Variants in TTC7B observed in about 807,000 individuals in gnomAD.
TTC7B encodes tetratricopeptide repeat protein 7B.
A neutral mutation model predicts 106.8 loss-of-function variants in TTC7B; 28 were observed. The observed-to-expected ratio is 0.26, with a 90% CI of 0.19 to 0.36. TTC7B has a LOEUF of 0.36. Ranked by LOEUF, TTC7B falls within the 10% of genes least tolerant of loss-of-function variation. TTC7B has a pLI of 1.00. For missense variants in TTC7B, 862 were observed against 1,076.4 expected (o/e 0.80, Z 2.79); for synonymous variants, 405 against 430.6 (o/e 0.94, Z 0.74).
In TTC7B at chr14:90,780,893, T is replaced by C; in HGVS notation, c.290A>G (p.Gln97Arg). 6.2e-7 allele frequency: 1 copy of C among 1,614,164 alleles called. No homozygotes were observed. Among genetic ancestry groups the C allele is most frequent in the Non-Finnish European group, 8.5e-7 (1 of 1,179,982 alleles). Residue 97 changes from glutamine (Q) to arginine (R), a missense_variant, in exon 3 of 20, where the codon CAA becomes CGA. Gln to Arg is a conservative substitution (Grantham distance 43). Transcript: ENST00000328459. The part of the protein sequence containing the change: ...DRGNLKSEFL[Q>R]ESNLIMAKLN... ...CTTGGCCATGATCAGATTGGATTCT[T>C]GTAGGAATTCTGACTAGAAGCAAAA...
At position 90,543,700 on chromosome 14, in the gene TTC7B, C is replaced by A. The variant is rs1889697989; in HGVS notation, c.2311-2111G>T. Among the ~76,000 whole-genome samples, 3 of 152,202 alleles carry A rather than the reference C, an allele frequency of 2.0e-5. No individual in the cohort carries two copies. In the South Asian group the frequency reaches 6.2e-4, roughly 32 times the overall value. ...TCTTGGAGAGTGTGGAGAAGCCTGA[C>A]ATCTTTACAATGTCTAGTCTTCCCA... On this transcript the variant is annotated intron_variant, in intron 19 of 19. Transcript: ENST00000328459.
intron 6 of TTC7B, among the ~76,000 whole-genome samples, chr14:90,690,142 T>C (rs1887413808): frequency 6.6e-6 from 1 of 152,170 alleles, no homozygotes; most frequent in Non-Finnish European, 1.5e-5. Context: ...CCTGAAAAAA[T>C]TATCCTCACT....
intron 15 of TTC7B, among the ~76,000 whole-genome samples, chr14:90,621,891 C>T (rs1267657658): frequency 6.6e-6 from 1 of 152,084 alleles, no homozygotes; most frequent in Non-Finnish European, 1.5e-5. Flanking sequence ...AGCACAGAAA[C>T]GAAGAGTACA....
chr14:90,780,274 G>C (rs1026030461), intron 3 of TTC7B, among the ~76,000 whole-genome samples: 3 of 151,916 alleles, frequency 2.0e-5, no homozygotes, highest in Non-Finnish European at 4.4e-5. Context: ...CCAGCTACTC[G>C]GGAGGTTGAG....
At chr14:90,803,500 C>T (rs761130229) in intron 1 of TTC7B, among the ~76,000 whole-genome samples, 117 of 152,324 alleles carry the variant, frequency 7.7e-4, no homozygotes, top group Middle Eastern at 3.4e-3. Flanking sequence ...CACTGCAGGG[C>T]TCCTGCTGGT....
intron 9 of TTC7B, among the ~76,000 whole-genome samples, chr14:90,659,092 A>ATGG (rs1366544808): frequency 3.3e-5 from 5 of 152,156 alleles, no homozygotes; most frequent in Non-Finnish European, 5.9e-5. Flanking sequence ...ATCAGCAAGG[A>ATGG]TGGGTCACCT....
In TTC7B at chr14:90,571,631, A is replaced by C. The variant is rs34619449; in HGVS notation, c.2310+6475T>G. On this transcript the variant is annotated intron_variant, in intron 19 of 19. Coordinates refer to ENST00000328459, the MANE Select transcript of TTC7B (RefSeq NM_001010854.2). ...CTATCATGAAGTTTTGTTTCCTGCC[A>C]GTCATTCTTTCTATGTATGGAAAGA... Among the ~76,000 whole-genome samples, 774 of 152,376 alleles carry C rather than the reference A, an allele frequency of 5.1e-3. 5 individuals carry two copies. Among genetic ancestry groups the C allele is most frequent in the Middle Eastern group, 0.014 (4 of 294 alleles).
At chr14:90,665,706 C>T (rs931629693) in intron 9 of TTC7B, among the ~76,000 whole-genome samples, 1 of 152,208 alleles carries the variant, frequency 6.6e-6, no homozygotes, top group Non-Finnish European at 1.5e-5. Flanking sequence ...TATTAAAAGA[C>T]AACAAATAGC....
intron 9 of TTC7B, among the ~76,000 whole-genome samples, chr14:90,674,546 C>T (rs1318066470): frequency 6.6e-6 from 1 of 152,224 alleles, no homozygotes; most frequent in Non-Finnish European, 1.5e-5. Context: ...AGCTGCTTGT[C>T]ACACCTGGCA....
chr14:90,547,387 T>G (rs1487284638), intron 19 of TTC7B, among the ~76,000 whole-genome samples: 10 of 152,262 alleles, frequency 6.6e-5, no homozygotes, highest in African/African-American at 2.4e-4. Context: ...AGGGCGCCTG[T>G]GCCAGAGCCC....
chr14:90,811,892 GA>G (rs1179057788), intron 1 of TTC7B, among the ~76,000 whole-genome samples: 2 of 152,220 alleles, frequency 1.3e-5, no homozygotes, highest in Admixed American at 6.5e-5. Context: ...CGTCCGTCAG[GA>G]CAGTCGCAGA....
chr14:90,705,102 T>C (rs932578689), intron 5 of TTC7B, among the ~76,000 whole-genome samples: 4 of 152,170 alleles, frequency 2.6e-5, no homozygotes, highest in African/African-American at 9.7e-5. Flanking sequence ...ATTATTTCAC[T>C]CTCTCATCAA....
At chr14:90,572,208 C>T (rs1286490) in intron 19 of TTC7B, among the ~76,000 whole-genome samples, 10,475 of 152,256 alleles carry the variant, frequency 0.069, 414 homozygotes, top group East Asian at 0.22. Flanking sequence ...GAGATGTTTT[C>T]ACACAGCAAA....
intron 9 of TTC7B, among the ~76,000 whole-genome samples, chr14:90,659,264 GTGTT>G (rs1886087996): frequency 6.6e-6 from 1 of 151,394 alleles, no homozygotes; most frequent in African/African-American, 2.4e-5. Context: ...GTGTGTGTGT[GTGTT>G]TGAGAGAGAG....
At chr14:90,664,079 G>A (rs1051707687) in intron 9 of TTC7B, among the ~76,000 whole-genome samples, 5 of 152,154 alleles carry the variant, frequency 3.3e-5, no homozygotes, top group Admixed American at 2.6e-4. Flanking sequence ...AAAAAGGAAT[G>A]TGGGTTGTCA....
At chr14:90,756,817 T>C (rs1181960525) in intron 3 of TTC7B, among the ~76,000 whole-genome samples, 3 of 147,938 alleles carry the variant, frequency 2.0e-5, no homozygotes, top group Non-Finnish European at 1.5e-5. Context: ...GAGCTTCCTC[T>C]GGACTCTCTA....
intron 17 of TTC7B, among the ~76,000 whole-genome samples, chr14:90,610,440 A>G (rs1316766589): frequency 1.3e-5 from 2 of 152,246 alleles, no homozygotes; most frequent in Non-Finnish European, 2.9e-5. Context: ...ACAGGGAAGC[A>G]GAGGGGAAAC....
intron 16 of TTC7B, 54 bp downstream of exon 16, chr14:90,617,875 A>T: frequency 7.2e-7 from 1 of 1,393,302 alleles, no homozygotes; most frequent in Non-Finnish European, 1.0e-6. Flanking sequence ...GAAGGCACTG[A>T]TAGGCAGGGA....
chr14:90,756,074 A>C (rs1385218507), intron 3 of TTC7B, among the ~76,000 whole-genome samples: 1 of 152,226 alleles, frequency 6.6e-6, no homozygotes, highest in African/African-American at 2.4e-5. Flanking sequence ...CTAACACATG[A>C]TGCCTTGTAA....
Sources: allele counts gnomAD v4.1 joint callset (sites outside exome capture counted in the v4.1 genomes callset), GRCh38; gene constraint gnomAD v4.1.1; transcripts MANE v1.5; gene names NCBI Gene and HGNC (gene_info 2026-07-23, HGNC 2026-07-21).